Variants in ADD3 observed in about 807,000 individuals in gnomAD.
The protein encoded by ADD3 is gamma-adducin.
In ADD3, 25 loss-of-function variants were observed where a neutral mutation model predicts 80.2. That is an observed-to-expected ratio of 0.31 (90% CI 0.23 to 0.44). The LOEUF is 0.44. Ranked by LOEUF, ADD3 falls within the 20% of genes least tolerant of loss-of-function variation. ADD3 has a pLI of 1.00. For synonymous variants in ADD3, 284 were observed against 289.6 expected (o/e 0.98, Z 0.20); for missense variants, 829 against 847.5 (o/e 0.98, Z 0.27).
At chr10:110,095,656 G>A (rs2150211) in intron 1 of ADD3, among the ~76,000 whole-genome samples, 53,197 of 152,102 alleles carry the variant, frequency 0.35, 14,337 homozygotes, top group African/African-American at 0.74. Flanking sequence ...ACTTTTTCCT[G>A]TTAATGAAAA....
At chr10:110,106,570 T>A (rs1849416541) in intron 2 of ADD3, among the ~76,000 whole-genome samples, 2 of 152,116 alleles carry the variant, frequency 1.3e-5, no homozygotes, top group African/African-American at 4.8e-5. Context: ...TTTTTAGAAG[T>A]CCATTTATGT....
At chr10:109,999,208 T>C (rs1589677078) in intron 1 of ADD3, among the ~76,000 whole-genome samples, 1 of 152,190 alleles carries the variant, frequency 6.6e-6, no homozygotes, top group Non-Finnish European at 1.5e-5. Context: ...ACAAACTCTC[T>C]ACTCCAGGCA....
chr10:110,086,536 TG>T (rs1261559834), intron 1 of ADD3, among the ~76,000 whole-genome samples: 1 of 152,136 alleles, frequency 6.6e-6, no homozygotes, highest in Admixed American at 6.5e-5. Context: ...ATCATGAGGG[TG>T]GTTTCTAATG....
Position 110,126,491 on chromosome 10 carries a change from T to A in ADD3, c.1596T>A (p.Asp532Glu), listed in dbSNP as rs143966199. The change falls in exon 12 of 15, where the codon GAT becomes GAA. Residue 532 changes from aspartate (D) to glutamate (E), a missense_variant. Coordinates refer to ENST00000356080, the MANE Select transcript of ADD3 (RefSeq NM_016824.5). ...AGTTGCTTGCTGGAATTGTTGTGGA[T>A]AAGCCACCTTCTGTAAGTTTATGAA... ...QSQLLAGIVV[D>E]KPPSTMQFED... 3,308 of 1,612,172 alleles carry A rather than the reference T, an allele frequency of 2.1e-3. 41 individuals carry two copies. In the Middle Eastern group the frequency reaches 0.022, roughly 11 times the overall value.
chr10:110,068,042 A>T (rs540531127), intron 1 of ADD3, among the ~76,000 whole-genome samples: 2 of 152,202 alleles, frequency 1.3e-5, no homozygotes, highest in South Asian at 4.1e-4. Context: ...ACAAAACCAA[A>T]ATTGTTCACT....
chr10:110,133,269 T>G, intron 14 of ADD3, 57 bp from the exon 15 acceptor site: 3 of 1,501,826 alleles, frequency 2.0e-6, no homozygotes, highest in Non-Finnish European at 2.7e-6. Context: ...TTTTGTAAAG[T>G]AGAGCAAAAA....
Position 110,116,554 on chromosome 10 carries a change from A to G in ADD3, c.486+144A>G, listed in dbSNP as rs376244217. 39 of 783,944 alleles carry G rather than the reference A, an allele frequency of 5.0e-5. No individual in the cohort carries two copies. The African/African-American group carries it at 5.4e-4, about 11-fold the overall frequency. 48.6% of individuals were successfully genotyped at this position (783,944 alleles called of 1,614,324 possible). ...AGATCACAACCAAATACTGATTTAA[A>G]CCTTATACCCAAGGGAGAGGCTCCA... On this transcript the variant is annotated intron_variant, in intron 4 of 14. Transcript: ENST00000356080.
At chr10:110,082,648 G>T (rs1846206821) in intron 1 of ADD3, among the ~76,000 whole-genome samples, 1 of 152,150 alleles carries the variant, frequency 6.6e-6, no homozygotes, top group Admixed American at 6.5e-5. Context: ...TGATTGATTG[G>T]ATCAGTAGTT....
At chr10:110,129,298 C>A (rs1407411647) in intron 12 of ADD3, among the ~76,000 whole-genome samples, 1 of 152,002 alleles carries the variant, frequency 6.6e-6, no homozygotes, top group Admixed American at 6.6e-5. Flanking sequence ...TACAGGCATG[C>A]ACCACCATGC....
At chr10:110,009,173 T>C (rs73349424) in intron 1 of ADD3, among the ~76,000 whole-genome samples, 12,440 of 152,190 alleles carry the variant, frequency 0.082, 1,638 homozygotes, top group African/African-American at 0.28. Flanking sequence ...ATTAACCTGG[T>C]AGAGTGTTAA....
intron 3 of ADD3, among the ~76,000 whole-genome samples, chr10:110,115,080 TA>T (rs752916695): frequency 0.18 from 15,261 of 84,920 alleles, 1,890 homozygotes; most frequent in African/African-American, 0.41. Context: ...CCCCTGCCTC[TA>T]AAAAAAAAAA....
chr10:110,100,484 G>T (rs1419630008), intron 1 of ADD3, 141 bp from the exon 2 acceptor site: 4 of 448,910 alleles, frequency 8.9e-6, no homozygotes, highest in South Asian at 6.4e-5. Context: ...ATAAAAAATT[G>T]TTCTAATATT....
intron 1 of ADD3, among the ~76,000 whole-genome samples, chr10:110,072,701 A>G (rs1242769443): frequency 1.3e-5 from 2 of 152,228 alleles, no homozygotes; most frequent in Non-Finnish European, 2.9e-5. Context: ...CTTCTGAAGC[A>G]TGAACACCAT....
intron 1 of ADD3, among the ~76,000 whole-genome samples, chr10:110,046,628 C>T (rs1856941788): frequency 6.6e-6 from 1 of 152,114 alleles, no homozygotes; most frequent in Admixed American, 6.6e-5. Context: ...TATTCAAATT[C>T]TACTTACTGT....
chr10:110,032,498 A>G (rs1350546934), intron 1 of ADD3, among the ~76,000 whole-genome samples: 1 of 152,238 alleles, frequency 6.6e-6, no homozygotes, highest in African/African-American at 2.4e-5. Flanking sequence ...GGCAGCAGGG[A>G]TACTTGGGCA....
chr10:110,116,227 C>T (rs1322841110), intron 3 of ADD3, 32 bp from the exon 4 acceptor site: 12 of 1,609,888 alleles, frequency 7.5e-6, no homozygotes, highest in South Asian at 6.6e-5. Context: ...TTGCATGACT[C>T]GTATCTCTCT....
chr10:110,111,016 T>A (rs943626460), intron 2 of ADD3, among the ~76,000 whole-genome samples: 7 of 152,178 alleles, frequency 4.6e-5, no homozygotes, highest in Admixed American at 2.6e-4. Flanking sequence ...ATATAGGTTA[T>A]TTACCCACCC....
chr10:110,078,872 G>A lies in ADD3; in HGVS notation c.-29-21753G>A, dbSNP rs1590019623. Among the ~76,000 whole-genome samples, 5 of 152,190 alleles carry A rather than the reference G, an allele frequency of 3.3e-5. No homozygotes were observed. The South Asian group carries it at 1.0e-3, about 32-fold the overall frequency. On this transcript the variant is annotated intron_variant, in intron 1 of 14. Coordinates refer to ENST00000356080, the MANE Select transcript of ADD3 (RefSeq NM_016824.5). ...TTATGCTGGAGCAAAGCTTGCCAAC[G>A]AATTTGCTGTTAAATATTGAAATTA...
intron 1 of ADD3, among the ~76,000 whole-genome samples, chr10:110,024,198 T>A (rs1035061348): frequency 2.0e-5 from 3 of 152,168 alleles, no homozygotes; most frequent in Non-Finnish European, 2.9e-5. Flanking sequence ...TTTTGTGCAA[T>A]GGAATAACAA....
Sources: allele counts gnomAD v4.1 joint callset (sites outside exome capture counted in the v4.1 genomes callset), GRCh38; gene constraint gnomAD v4.1.1; transcripts MANE v1.5; gene names NCBI Gene and HGNC (gene_info 2026-07-23, HGNC 2026-07-21).